Variants in DPP10 observed in about 807,000 individuals in gnomAD.
The protein encoded by DPP10 is inactive dipeptidyl peptidase 10.
DPP10 carries 33 observed loss-of-function variants against 120.9 expected under a neutral mutation model. The ratio of observed to expected loss-of-function variants is 0.27; its 90% CI spans 0.21 to 0.37. The LOEUF is 0.37. DPP10 is among the 10% of genes least tolerant of loss of function. DPP10 has a pLI of 1.00. For missense variants in DPP10, 816 were observed against 942.8 expected (o/e 0.87, Z 1.76); for synonymous variants, 337 against 326.1 (o/e 1.03, Z -0.36).
rs866612292 is a variant in DPP10 at position 114,697,691 on chromosome 2, A to G, written c.60+254853A>G. ...CTTGAACCCAGGAGGCAGAGGTTGC[A>G]GTGAGCTGAGATCGCGCAACTGCAC... is the stretch of plus-strand genomic sequence containing the variant. On this transcript the variant is annotated intron_variant, in intron 1 of 25. Coordinates refer to ENST00000410059, the MANE Select transcript of DPP10 (RefSeq NM_020868.6). Among the ~76,000 whole-genome samples, 165 of 147,562 alleles carry G rather than the reference A, an allele frequency of 1.1e-3. 1 individual carries two copies. The highest frequency in any genetic ancestry group is 3.8e-3 in the African/African-American group (153 of 40,150).
intron 3 of DPP10, among the ~76,000 whole-genome samples, chr2:115,392,397 C>G (rs1420415719): frequency 6.6e-6 from 1 of 152,006 alleles, no homozygotes; most frequent in African/African-American, 2.4e-5. Context: ...AAAATATCAG[C>G]CTTAACATAA....
chr2:115,154,874 ATT>A (rs2051797867), intron 1 of DPP10, among the ~76,000 whole-genome samples: 1 of 151,576 alleles, frequency 6.6e-6, no homozygotes, highest in African/African-American at 2.4e-5. Flanking sequence ...GTGTAAAAAA[ATT>A]GCGGTTTTGC....
chr2:115,078,973 A>C (rs1708022088), intron 1 of DPP10, among the ~76,000 whole-genome samples: 1 of 152,102 alleles, frequency 6.6e-6, no homozygotes, highest in South Asian at 2.1e-4. Flanking sequence ...TTCTATGATA[A>C]ACTTAAGGTT....
intron 1 of DPP10, among the ~76,000 whole-genome samples, chr2:115,146,110 T>C (rs2051211629): frequency 6.6e-6 from 1 of 152,146 alleles, no homozygotes; most frequent in Non-Finnish European, 1.5e-5. Flanking sequence ...ACACTGCTAG[T>C]AAATGTTGAA....
At chr2:114,952,328 C>T (rs1396082723) in intron 1 of DPP10, among the ~76,000 whole-genome samples, 2 of 152,030 alleles carry the variant, frequency 1.3e-5, no homozygotes, top group East Asian at 3.9e-4. Context: ...TTCTTATATT[C>T]AACAATGCTT....
At chr2:115,378,566 C>T (rs2066005150) in intron 3 of DPP10, among the ~76,000 whole-genome samples, 1 of 150,570 alleles carries the variant, frequency 6.6e-6, no homozygotes, top group African/African-American at 2.4e-5. Flanking sequence ...CCTAATTGCC[C>T]TGGCCAGAAC....
intron 1 of DPP10, among the ~76,000 whole-genome samples, chr2:114,919,094 G>T (rs909961933): frequency 6.8e-6 from 1 of 147,072 alleles, no homozygotes; most frequent in Non-Finnish European, 1.5e-5. Flanking sequence ...GGGGACAAAA[G>T]AAAGGAGTCA....
intron 1 of DPP10, among the ~76,000 whole-genome samples, chr2:114,618,391 G>A (rs1693836212): frequency 6.6e-6 from 1 of 151,840 alleles, no homozygotes; most frequent in Non-Finnish European, 1.5e-5. Context: ...TCAACACAGA[G>A]GTCAGAAAAG....
chr2:115,042,320 G>A (rs1704716808), intron 1 of DPP10, among the ~76,000 whole-genome samples: 1 of 152,056 alleles, frequency 6.6e-6, no homozygotes. Context: ...AGGCTAGGGT[G>A]CAGTGGTGTG....
intron 1 of DPP10, among the ~76,000 whole-genome samples, chr2:114,802,781 T>C (rs1684372998): frequency 6.6e-6 from 1 of 152,204 alleles, no homozygotes; most frequent in African/African-American, 2.4e-5. Flanking sequence ...AAGTACCTGA[T>C]TCATAAGATC....
chr2:115,759,147 A>G (rs1424064068), intron 11 of DPP10, among the ~76,000 whole-genome samples: 1 of 152,166 alleles, frequency 6.6e-6, no homozygotes, highest in Non-Finnish European at 1.5e-5. Context: ...CCAAATGGGT[A>G]TCAGACAAAA....
At chr2:115,138,972 A>G (rs1269002863) in intron 1 of DPP10, among the ~76,000 whole-genome samples, 1 of 152,164 alleles carries the variant, frequency 6.6e-6, no homozygotes, top group East Asian at 1.9e-4. Context: ...AAAAAAAATG[A>G]ATTGCATGTT....
chr2:114,951,653 A>G lies in DPP10; in HGVS notation c.61-357586A>G, dbSNP rs181401470. The stretch of plus-strand genomic sequence containing the variant: ...AGAATTTTATTTTCACATTTATACT[A>G]TTCTAGCCCGAATATCTGCTTCTTT... On this transcript the variant is annotated intron_variant, in intron 1 of 25. Coordinates refer to ENST00000410059, the MANE Select transcript of DPP10 (RefSeq NM_020868.6). 4.4e-3 allele frequency among the ~76,000 whole-genome samples: 670 copies of G among 152,256 alleles called. 6 individuals carry two copies. The highest frequency in any genetic ancestry group is 0.015 in the African/African-American group (641 of 41,560).
chr2:115,285,663 G>C (rs1054810884), intron 1 of DPP10, among the ~76,000 whole-genome samples: 4 of 151,918 alleles, frequency 2.6e-5, no homozygotes, highest in Admixed American at 6.6e-5. Flanking sequence ...CTCCTTTCTG[G>C]CTTTCTCTTT....
At position 115,818,594 on chromosome 2, in the gene DPP10, A is replaced by G. The variant is rs557440146; in HGVS notation, c.1950+2865A>G. On this transcript the variant is annotated intron_variant, in intron 21 of 25. Transcript: ENST00000410059. ...AAGGAAAAGAGTCTCATGCAAATGC[A>G]CAGTGTCAGTGAAGGGAGCATGTGT... Among the ~76,000 whole-genome samples the G allele has an allele frequency of 3.5e-4, 54 of 152,346 alleles. 1 individual carries two copies. The highest frequency in any genetic ancestry group is 1.5e-3 in the Admixed American group (23 of 15,298).
At chr2:115,023,916 C>A (rs1386146909) in intron 1 of DPP10, among the ~76,000 whole-genome samples, 1 of 151,998 alleles carries the variant, frequency 6.6e-6, no homozygotes, top group Non-Finnish European at 1.5e-5. Flanking sequence ...CAATAAAAAA[C>A]CAAGCATCAT....
chr2:115,672,984 G>T (rs2090022346), intron 5 of DPP10, among the ~76,000 whole-genome samples: 1 of 151,998 alleles, frequency 6.6e-6, no homozygotes, highest in South Asian at 2.1e-4. Flanking sequence ...CCTGACCTCA[G>T]GTGATCCGCC....
chr2:114,486,243 C>T (rs1681511551), intron 1 of DPP10, among the ~76,000 whole-genome samples: 1 of 151,696 alleles, frequency 6.6e-6, no homozygotes, highest in Non-Finnish European at 1.5e-5. Context: ...TGGTATTGTA[C>T]ACTGCATTTC....
At chr2:114,694,064 G>C (rs1226665571) in intron 1 of DPP10, among the ~76,000 whole-genome samples, 6 of 151,944 alleles carry the variant, frequency 3.9e-5, no homozygotes, top group Admixed American at 3.9e-4. Context: ...TATCAAGAAT[G>C]TTTCAGACAG....
Sources: allele counts gnomAD v4.1 joint callset (sites outside exome capture counted in the v4.1 genomes callset), GRCh38; gene constraint gnomAD v4.1.1; transcripts MANE v1.5; gene names NCBI Gene and HGNC (gene_info 2026-07-23, HGNC 2026-07-21).